RSPH10B: variants seen among roughly 807,000 people sequenced by gnomAD.
The protein encoded by RSPH10B is radial spoke head 10 homolog B.
RSPH10B carries 7 observed loss-of-function variants against 52.5 expected under a neutral mutation model. The ratio of observed to expected loss-of-function variants is 0.13; its 90% CI spans 0.08 to 0.25. The LOEUF (loss-of-function observed/expected upper bound fraction) is 0.25. RSPH10B is among the 10% of genes least tolerant of loss of function. RSPH10B has a pLI of 1.00. For missense variants in RSPH10B, 89 were observed against 542.5 expected, an observed-to-expected ratio of 0.16 and a Z score of 8.30; for synonymous variants, 28 against 193.2, an observed-to-expected ratio of 0.14 and a Z score of 7.09.
intron 17 of RSPH10B, among the ~76,000 whole-genome samples, chr7:5,931,526 G>A (rs1399289649): frequency 2.0e-5 from 3 of 151,380 alleles, no homozygotes; most frequent in African/African-American, 7.3e-5. Flanking sequence ...GGGAGTTCAA[G>A]ACCAGCCTGG....
chr7:5,944,463 A>C (rs1376283545), intron 11 of RSPH10B, among the ~76,000 whole-genome samples: 1 of 150,122 alleles, frequency 6.7e-6, no homozygotes, highest in Non-Finnish European at 1.5e-5. Flanking sequence ...TGCTGTAAGA[A>C]AGACAAGAAA....
At position 5,931,497 on chromosome 7, in the gene RSPH10B, G is replaced by A. The variant is rs1438524778; in HGVS notation, c.2233+1285C>T. On this transcript the variant is annotated intron_variant, in intron 17 of 18. Transcript: ENST00000337579. Reference sequence around the variant, plus strand: ...TCCCAGTGCTTTGGGACACCAAGGCGGGAAGATCACTTGGGCCCGGGAGTT... The same window carrying A: ...TCCCAGTGCTTTGGGACACCAAGGCAGGAAGATCACTTGGGCCCGGGAGTT... Among the ~76,000 whole-genome samples the A allele has an allele frequency of 5.3e-5, 8 of 151,502 alleles. No individual in the cohort carries two copies. The East Asian group carries it at 1.2e-3, about 22-fold the overall frequency.
At chr7:5,954,042 A>C (rs1285834947) in intron 7 of RSPH10B, among the ~76,000 whole-genome samples, 1 of 54,322 alleles carries the variant, frequency 1.8e-5, no homozygotes, top group Non-Finnish European at 3.3e-5. Flanking sequence ...ACAGGGTTTC[A>C]CCATGTTAGC....
rs1779568872 is a variant in RSPH10B, at chr7:5,927,609, A to G, written c.2432+587T>C. On this transcript the variant is annotated intron_variant, in intron 18 of 18. Coordinates refer to ENST00000337579, the Ensembl canonical transcript of RSPH10B. ...GTCATCTCAATATAGTCATTACCCC[A>G]AAGAGTCCACAGGTTTTGAACTCTT... Among the ~76,000 whole-genome samples, 4 of 141,864 alleles carry G rather than the reference A, an allele frequency of 2.8e-5. No individual in the cohort carries two copies. The South Asian group carries it at 8.9e-4, about 31-fold the overall frequency. 93.1% of individuals were successfully genotyped at this position (141,864 alleles called of 152,430 possible).
At chr7:5,938,256 C>CA (rs1463873106) in intron 14 of RSPH10B, among the ~76,000 whole-genome samples, 10 of 84,200 alleles carry the variant, frequency 1.2e-4, no homozygotes, top group Admixed American at 1.2e-3. Flanking sequence ...CCATTCTGTA[C>CA]AAAAAATTGT....
chr7:5,957,556 C>T (rs1780766243), intron 6 of RSPH10B, among the ~76,000 whole-genome samples: 2 of 35,136 alleles, frequency 5.7e-5, no homozygotes, highest in Non-Finnish European at 1.0e-4. Context: ...GAGGCTGAGG[C>T]GCGCGGATCA....
intron 7 of RSPH10B, among the ~76,000 whole-genome samples, chr7:5,955,017 G>C (rs1324512578): frequency 2.0e-5 from 1 of 49,844 alleles, no homozygotes; most frequent in South Asian, 9.5e-4. Flanking sequence ...AAAAAAAAAA[G>C]AGCCGGGCGT....
At chr7:5,942,050 G>A (rs1345352081) in intron 13 of RSPH10B, among the ~76,000 whole-genome samples, 1 of 149,588 alleles carries the variant, frequency 6.7e-6, no homozygotes, top group Admixed American at 6.8e-5. Context: ...CGGCCACCAT[G>A]CCTGGCTAAT....
intron 11 of RSPH10B, 121 bp downstream of exon 13, chr7:5,944,943 A>C (rs1310917947): frequency 1.7e-6 from 1 of 596,722 alleles, no homozygotes; most frequent in Non-Finnish European, 3.0e-6. Context: ...AGCCTGGGCG[A>C]CAGAGCAAGA....
chr7:5,929,461 C>T (rs576107432), intron 17 of RSPH10B, among the ~76,000 whole-genome samples: 1,403 of 94,734 alleles, frequency 0.015, 22 homozygotes, highest in Non-Finnish European at 0.022. Context: ...AGCCTCTGCA[C>T]CCGGCCTAGG....
intron 18 of RSPH10B, among the ~76,000 whole-genome samples, chr7:5,927,174 C>CA (rs1779538972): frequency 1.4e-5 from 2 of 140,096 alleles, no homozygotes; most frequent in Middle Eastern, 3.6e-3. Flanking sequence ...ACTGCAGCCT[C>CA]AACCTCCCAG....
In RSPH10B at chr7:5,933,621, G is replaced by A. The variant is rs1339296459; in HGVS notation, c.2140-746C>T. ...TAACAACACAAAAAATTAGCCGGGC[G>A]TGGGGGTGGGTGCCTGTAGTCCTAG... On this transcript the variant is annotated intron_variant, in intron 16 of 18. Transcript: ENST00000337579. Among the ~76,000 whole-genome samples the A allele has an allele frequency of 7.5e-4, 100 of 133,984 alleles. 2 individuals are homozygous for A. Among genetic ancestry groups the A allele is most frequent in the South Asian group, 5.1e-3 (22 of 4,292 alleles). The allele number at this position is 133,984 out of a possible 152,430, so 87.9% of individuals were successfully genotyped here.
intron 5 of RSPH10B, among the ~76,000 whole-genome samples, chr7:5,958,344 G>GAA (rs58697360): frequency 0.022 from 3,213 of 143,420 alleles, 26 homozygotes; most frequent in African/African-American, 0.08. Context: ...CATCTCAAAA[G>GAA]AAAAAAAAAA....
chr7:5,960,402 G>A (rs1780881536), intron 4 of RSPH10B, among the ~76,000 whole-genome samples: 1 of 63,314 alleles, frequency 1.6e-5, no homozygotes, highest in South Asian at 4.3e-4. Flanking sequence ...GACAGAGCAA[G>A]ACTCCATCTC....
At chr7:5,943,078 T>C (rs949564783) in intron 13 of RSPH10B, 5 of 733,800 alleles carry the variant, frequency 6.8e-6, no homozygotes, top group African/African-American at 5.4e-5. Flanking sequence ...GCCATTGTTA[T>C]AGGCCATGGA....
rs1256134570 is a variant in RSPH10B at position 5,931,309 on chromosome 7, G to A, written c.2233+1473C>T. Among the ~76,000 whole-genome samples, 7 of 150,928 alleles carry A rather than the reference G, an allele frequency of 4.6e-5. 1 individual carries two copies. The highest frequency in any genetic ancestry group is 1.9e-4 in the East Asian group (1 of 5,188). On this transcript the variant is annotated intron_variant, in intron 17 of 18. Transcript: ENST00000337579. ...AATGATCCACTGGAGGAGGAGTAAC[G>A]GGAAACGACAGGCACTGTAGAGGGG... is the stretch of plus-strand genomic sequence containing the variant.
intron 17 of RSPH10B, among the ~76,000 whole-genome samples, chr7:5,932,560 T>C (rs1221757169): frequency 1.4e-5 from 2 of 145,154 alleles, no homozygotes; most frequent in East Asian, 4.1e-4. Context: ...AAGATGGTTG[T>C]GCTGGGTGTG....
At chr7:5,927,370 C>T (rs1271513180) in intron 18 of RSPH10B, among the ~76,000 whole-genome samples, 1 of 70,932 alleles carries the variant, frequency 1.4e-5, no homozygotes, top group Admixed American at 1.5e-4. Context: ...CGGCATGTGC[C>T]ATGATGCCCA....
At chr7:5,927,764 C>T (rs1779579222) in intron 18 of RSPH10B, among the ~76,000 whole-genome samples, 2 of 146,618 alleles carry the variant, frequency 1.4e-5, no homozygotes, top group Non-Finnish European at 3.0e-5. Context: ...GGTGAAACCT[C>T]GTCTCTACTA....
Sources: gnomAD v4.1 joint callset for allele counts (sites outside exome capture counted in the v4.1 genomes callset) on GRCh38, gnomAD v4.1.1 for gene constraint, MANE v1.5 for transcripts, NCBI Gene and HGNC (gene_info 2026-07-23, HGNC 2026-07-21) for gene names.